The following IL4R variants were observed in gnomAD, a reference collection of about 807,000 sequenced individuals.
The protein encoded by IL4R is interleukin-4 receptor subunit alpha.
Under a neutral mutation model 41.5 loss-of-function variants are expected in IL4R, and 17 were observed. The observed-to-expected ratio is 0.41, with a 90% CI of 0.28 to 0.61. The LOEUF is 0.61. Ranked by LOEUF, IL4R falls within the 20% of genes least tolerant of loss-of-function variation. The probability of loss-of-function intolerance (pLI) is 0.31; values close to 1 mark genes in which losing one functional copy is unlikely to be tolerated. For missense variants in IL4R, 974 were observed against 1,043.1 expected (o/e 0.93, Z 0.91); for synonymous variants, 402 against 422.9 (o/e 0.95, Z 0.61).
At position 27,358,616 on chromosome 16, in the gene IL4R, T is replaced by C. The variant is rs114627577; in HGVS notation, c.771-300T>C. On this transcript the variant is annotated intron_variant, in intron 8 of 10. Coordinates refer to ENST00000395762, the MANE Select transcript of IL4R (RefSeq NM_000418.4). ...TGGGGTCTCATTCCCACTGAGGACA[T>C]AGGTGGCCTCCTCAGGAACTCTGTG... is the stretch of plus-strand genomic sequence containing the variant. Among the ~76,000 whole-genome samples, 763 of 152,308 alleles carry C rather than the reference T, an allele frequency of 5.0e-3. 6 individuals are homozygous for C. The highest frequency in any genetic ancestry group is 0.017 in the African/African-American group (702 of 41,564).
At chr16:27,360,045 T>A (rs2086228782) in intron 9 of IL4R, among the ~76,000 whole-genome samples, 3 of 150,836 alleles carry the variant, frequency 2.0e-5, no homozygotes, top group Admixed American at 6.6e-5. Flanking sequence ...TGAGACGGAG[T>A]TTTGCTCTTA....
intron 3 of IL4R, among the ~76,000 whole-genome samples, chr16:27,340,716 T>G (rs2085413198): frequency 6.6e-6 from 1 of 151,478 alleles, no homozygotes; most frequent in Admixed American, 6.6e-5. Context: ...AGTGAGACCC[T>G]GTCAAAAAAA....
intron 8 of IL4R, among the ~76,000 whole-genome samples, chr16:27,356,535 CAA>C (rs1321686348): frequency 1.3e-5 from 2 of 152,102 alleles, no homozygotes; most frequent in African/African-American, 4.8e-5. Context: ...GTGCTTTTTG[CAA>C]GGGGGACCAG....
chr16:27,335,106 C>T (rs1291336194), intron 2 of IL4R, among the ~76,000 whole-genome samples: 1 of 152,030 alleles, frequency 6.6e-6, no homozygotes, highest in Non-Finnish European at 1.5e-5. Context: ...CTGACGTTTC[C>T]AAATGATGTA....
chr16:27,338,721 C>T (rs190163875), intron 2 of IL4R, among the ~76,000 whole-genome samples: 3 of 152,132 alleles, frequency 2.0e-5, no homozygotes, highest in East Asian at 3.9e-4. Context: ...TGTGTTTGCC[C>T]CTTCTGTCAT....
chr16:27,343,241 A>G (rs2085502032), intron 4 of IL4R, among the ~76,000 whole-genome samples: 1 of 152,224 alleles, frequency 6.6e-6, no homozygotes, highest in Non-Finnish European at 1.5e-5. Context: ...TTCCATGATT[A>G]TTCTAAGGTA....
Position 27,319,926 on chromosome 16 carries a change from A to G in IL4R, c.-152+5906A>G, listed in dbSNP as rs13333391. Among the ~76,000 whole-genome samples, 804 of 152,014 alleles carry G rather than the reference A, an allele frequency of 5.3e-3. 7 individuals carry two copies. Among genetic ancestry groups the G allele is most frequent in the African/African-American group, 0.018 (753 of 41,438 alleles). On this transcript the variant is annotated intron_variant, in intron 1 of 10. Coordinates refer to ENST00000395762, the MANE Select transcript of IL4R (RefSeq NM_000418.4). The stretch of plus-strand genomic sequence containing the variant: ...CTCTTGTCGCCCAGACTGGAGTGCA[A>G]TGGTGCGATCTTGGCTCACTGCAAT...
At chr16:27,359,328 G>A (rs2141209437) in intron 9 of IL4R, among the ~76,000 whole-genome samples, 1 of 152,278 alleles carries the variant, frequency 6.6e-6, no homozygotes, top group South Asian at 2.1e-4. Flanking sequence ...CAGAAGGAGT[G>A]GAGGAAGGAG....
chr16:27,353,297 TG>T (rs1171195495), intron 7 of IL4R, among the ~76,000 whole-genome samples: 3 of 152,178 alleles, frequency 2.0e-5, no homozygotes, highest in Non-Finnish European at 4.4e-5. Flanking sequence ...TACTCCCACC[TG>T]GGTGACAGAG....
chr16:27,346,994 G>A (rs763211783), intron 6 of IL4R, among the ~76,000 whole-genome samples: 14 of 152,162 alleles, frequency 9.2e-5, no homozygotes, highest in Non-Finnish European at 1.9e-4. Flanking sequence ...ACAGTGACCC[G>A]TGTCAGTTCC....
intron 9 of IL4R, chr16:27,359,706 G>T (rs559517104): frequency 2.6e-4 from 112 of 434,090 alleles, no homozygotes; most frequent in African/African-American, 2.1e-3. Context: ...CCTCTTGTGG[G>T]TTATAACAGT....
At chr16:27,344,338 G>A (rs368897012) in intron 4 of IL4R, among the ~76,000 whole-genome samples, 3 of 133,106 alleles carry the variant, frequency 2.3e-5, no homozygotes, top group Non-Finnish European at 3.2e-5. Flanking sequence ...CAAAAAACTC[G>A]TACCCCCTAA....
Position 27,363,877 on chromosome 16 carries a change from AT to A in IL4R, c.*48del, listed in dbSNP as rs779201537. 2.0e-6 allele frequency: 3 copies of A among 1,533,196 alleles called. No homozygotes were observed. Among genetic ancestry groups the A allele is most frequent in the Non-Finnish European group, 2.6e-6 (3 of 1,147,106 alleles). 95.0% of individuals were successfully genotyped at this position (1,533,196 alleles called of 1,614,324 possible). A position where few individuals can be genotyped will look rare whatever the true frequency, so the allele number is the denominator to read the frequency against. On this transcript the variant is annotated 3_prime_UTR_variant, in exon 11 of 11. Coordinates refer to ENST00000395762, the MANE Select transcript of IL4R (RefSeq NM_000418.4). ...AGTCTGCAGATGAGGACTAGGGCTT[AT>A]CCATGCCTGGGAAATGCCACCTCCT...
At position 27,363,996 on chromosome 16, in the gene IL4R, G is replaced by A; in HGVS notation, c.*166G>A. 2 of 759,502 alleles carry A rather than the reference G, an allele frequency of 2.6e-6. No homozygotes were observed. The highest frequency in any genetic ancestry group is 4.2e-6 in the Non-Finnish European group (2 of 472,172). The allele number at this position is 759,502 out of a possible 1,614,324, so 47.0% of individuals were successfully genotyped here. On this transcript the variant is annotated 3_prime_UTR_variant, in exon 11 of 11. Coordinates refer to ENST00000395762, the MANE Select transcript of IL4R (RefSeq NM_000418.4). ...ACTGACGTTGGCCTAACACTGGGCT[G>A]CAGAGACTGGACCCCGCCCAGCATT...
chr16:27,328,078 C>T (rs1419314578), intron 1 of IL4R, among the ~76,000 whole-genome samples: 4 of 151,758 alleles, frequency 2.6e-5, no homozygotes, highest in South Asian at 2.1e-4. Flanking sequence ...GGTGTGATGG[C>T]GTGCTCCTGT....
chr16:27,336,382 G>C (rs1018305071), intron 2 of IL4R, among the ~76,000 whole-genome samples: 1 of 152,082 alleles, frequency 6.6e-6, no homozygotes, highest in Non-Finnish European at 1.5e-5. Context: ...AAAAGCACGC[G>C]TAAGGGAGGA....
At chr16:27,359,141 C>T (rs1157096571) in intron 9 of IL4R, 147 bp downstream of exon 9, 8 of 648,652 alleles carry the variant, frequency 1.2e-5, no homozygotes, top group Admixed American at 2.3e-5. Flanking sequence ...AGACAGAAGC[C>T]GAATGAGGTC....
At chr16:27,359,882 C>G in intron 9 of IL4R, 1 of 437,756 alleles carries the variant, frequency 2.3e-6, no homozygotes, top group African/African-American at 2.1e-5. Flanking sequence ...TTAGCTTATG[C>G]TTCTGCAGGC....
At chr16:27,359,338 G>T (rs2086202304) in intron 9 of IL4R, among the ~76,000 whole-genome samples, 1 of 152,224 alleles carries the variant, frequency 6.6e-6, no homozygotes, top group Non-Finnish European at 1.5e-5. Flanking sequence ...GGAGGAAGGA[G>T]AGGGTGACAG....
Sources: gnomAD v4.1 joint callset for allele counts (sites outside exome capture counted in the v4.1 genomes callset) on GRCh38, gnomAD v4.1.1 for gene constraint, MANE v1.5 for transcripts, NCBI Gene and HGNC (gene_info 2026-07-23, HGNC 2026-07-21) for gene names.